CASP6: variants seen among roughly 807,000 people sequenced by gnomAD.
The protein encoded by CASP6 is caspase-6.
Under a neutral mutation model 31.8 loss-of-function variants are expected in CASP6, and 20 were observed. The observed-to-expected ratio is 0.63, with a 90% CI of 0.44 to 0.91. The LOEUF is 0.91. Among genes scored for constraint, CASP6 ranks in the 40% least tolerant of loss-of-function variants. The pLI is 0.00. For synonymous variants in CASP6, 130 were observed against 127.8 expected (o/e 1.02, Z -0.12); for missense variants, 328 against 361.1 (o/e 0.91, Z 0.74).
downstream of CASP6, chr4:109,688,429 TATG>T (rs1729906457): frequency 1.3e-5 from 2 of 152,208 alleles, no homozygotes; most frequent in African/African-American, 4.8e-5. Context: ...GGCTAAGAAT[TATG>T]TTTTCTATTT....
downstream of CASP6, among the ~76,000 whole-genome samples, chr4:109,685,606 T>C (rs370591394): frequency 6.6e-6 from 1 of 152,222 alleles, no homozygotes; most frequent in East Asian, 1.9e-4. Context: ...TGACTTGAGA[T>C]AGTAAAATAA....
At chr4:109,683,862 A>G (rs993564731), downstream of CASP6, among the ~76,000 whole-genome samples, 1 of 152,170 alleles carries the variant, frequency 6.6e-6, no homozygotes, top group African/African-American at 2.4e-5. Flanking sequence ...GTTTCAGAGG[A>G]TGACTTCTGA....
At chr4:109,682,220 T>C in the CASP6 span, among the ~76,000 whole-genome samples, 1 of 152,126 alleles carries the variant, frequency 6.6e-6, no homozygotes, top group Non-Finnish European at 1.5e-5. Context: ...TGTGTCCTGC[T>C]TTTGGGCAAA....
intron 3 of CASP6, among the ~76,000 whole-genome samples, chr4:109,697,419 C>A (rs1413462540): frequency 6.6e-6 from 1 of 152,044 alleles, no homozygotes; most frequent in Non-Finnish European, 1.5e-5. Context: ...CTACCGCCAC[C>A]ATGCCCAGCT....
intron 6 of CASP6, 96 bp downstream of exon 6, chr4:109,690,754 C>T: frequency 7.7e-7 from 1 of 1,304,234 alleles, no homozygotes; most frequent in Non-Finnish European, 1.0e-6. Context: ...ATCACCATGT[C>T]CCAACCGAAA....
At position 109,697,622 on chromosome 4, in the gene CASP6, C is replaced by CT; in HGVS notation, c.229dup (p.Arg77LysfsTer8). ...CTTGATAGGTAGATAAAACTACTACCTGCGGGTAAGATTGTCTCTATCTGC... is the reference window on the plus strand; with the variant it reads ...CTTGATAGGTAGATAAAACTACTACCTTGCGGGTAAGATTGTCTCTATCTGC... On this transcript the variant is annotated frameshift_variant and splice_region_variant, in exon 3 of 7. Coordinates refer to ENST00000265164, the MANE Select transcript of CASP6 (RefSeq NM_001226.4). LOFTEE classifies it high-confidence loss of function. 1 of 1,601,784 alleles carries CT rather than the reference C, an allele frequency of 6.2e-7. No individual in the cohort carries two copies. Among genetic ancestry groups the CT allele is most frequent in the South Asian group, 1.1e-5 (1 of 88,312 alleles).
chr4:109,665,590 C>G, the CASP6 span, among the ~76,000 whole-genome samples: 4 of 152,128 alleles, frequency 2.6e-5, no homozygotes, highest in African/African-American at 7.2e-5. Flanking sequence ...CTTTAAATCT[C>G]TAGATTACTT....
At chr4:109,703,803 A>T (rs552990089), upstream of CASP6, among the ~76,000 whole-genome samples, 2 of 151,992 alleles carry the variant, frequency 1.3e-5, no homozygotes, top group South Asian at 4.2e-4. Flanking sequence ...GCTATTCCTT[A>T]CTTTGCTATG....
At chr4:109,691,909 T>C (rs1730069135) in intron 5 of CASP6, 1 of 151,948 alleles carries the variant, frequency 6.6e-6, no homozygotes. Context: ...AAGAAACCAA[T>C]CCTCCCCACA....
intron 6 of CASP6, among the ~76,000 whole-genome samples, chr4:109,690,404 T>A (rs1464734396): frequency 6.6e-6 from 1 of 151,546 alleles, no homozygotes; most frequent in Non-Finnish European, 1.5e-5. Context: ...ATGCCTATAG[T>A]CCCAGCTACA....
At chr4:109,664,422 C>CTT in the CASP6 span, 10,364 of 612,132 alleles carry the variant, frequency 0.017, 5 homozygotes, top group Middle Eastern at 0.021. Flanking sequence ...CCAACTATTA[C>CTT]TTTTTTTTTT....
At chr4:109,693,391 T>C (rs898114316) in intron 5 of CASP6, among the ~76,000 whole-genome samples, 5 of 152,226 alleles carry the variant, frequency 3.3e-5, no homozygotes, top group African/African-American at 7.2e-5. Flanking sequence ...TTCTCTTTTG[T>C]AGTTCAAAAT....
At chr4:109,666,916 C>T in the CASP6 span, among the ~76,000 whole-genome samples, 2 of 152,214 alleles carry the variant, frequency 1.3e-5, no homozygotes, top group East Asian at 1.9e-4. Flanking sequence ...AAGTGTTGAG[C>T]CTTGCATACC....
At chr4:109,670,442 G>C in the CASP6 span, among the ~76,000 whole-genome samples, 2 of 152,178 alleles carry the variant, frequency 1.3e-5, no homozygotes, top group Admixed American at 1.3e-4. Flanking sequence ...ATTTGGCCAG[G>C]CGCAGTGGTT....
At chr4:109,684,321 C>T (rs1240310778), downstream of CASP6, 2 of 664,414 alleles carry the variant, frequency 3.0e-6, no homozygotes, top group East Asian at 5.8e-5. Context: ...CTCGGCCTCC[C>T]AGAGTGCTGA....
the CASP6 span, among the ~76,000 whole-genome samples, chr4:109,664,814 A>C: frequency 6.6e-6 from 1 of 151,748 alleles, no homozygotes; most frequent in Non-Finnish European, 1.5e-5. Flanking sequence ...AGTCCCGTAT[A>C]CTCTTTTTAG....
At chr4:109,693,426 G>A (rs1234274104) in intron 5 of CASP6, among the ~76,000 whole-genome samples, 4 of 152,148 alleles carry the variant, frequency 2.6e-5, no homozygotes, top group African/African-American at 9.7e-5. Context: ...AGTGGCTCAC[G>A]CCTGTAATCC....
At chr4:109,681,728 G>A in the CASP6 span, among the ~76,000 whole-genome samples, 3 of 152,220 alleles carry the variant, frequency 2.0e-5, no homozygotes, top group Admixed American at 6.5e-5. Context: ...GGGGTGCCTC[G>A]CTGGATCAGG....
chr4:109,703,371 T>G lies in CASP6; in HGVS notation c.25A>C (p.Arg9=), dbSNP rs866723179. Residue 9 remains arginine (R), a synonymous_variant, in exon 1 of 7, where the codon AGG becomes CGG. Coordinates refer to ENST00000265164, the MANE Select transcript of CASP6 (RefSeq NM_001226.4). MSSASGLR[R]GHPAGGEENM... ...CCCTGCCTACCTGCCGGGTGCCCCC[T>G]GCGGAGCCCCGAGGCCGAGCTCATT... The G allele has an allele frequency of 6.2e-7, 1 of 1,611,218 alleles. No homozygotes were observed. Among genetic ancestry groups the G allele is most frequent in the Middle Eastern group, 1.7e-4 (1 of 6,056 alleles).
Sources: allele counts gnomAD v4.1 joint callset (sites outside exome capture counted in the v4.1 genomes callset), GRCh38; gene constraint gnomAD v4.1.1; transcripts MANE v1.5; gene names NCBI Gene and HGNC (gene_info 2026-07-23, HGNC 2026-07-21).